GRIK1: variants seen among roughly 807,000 people sequenced by gnomAD.
The protein encoded by GRIK1 is glutamate receptor ionotropic, kainate 1.
GRIK1 carries 69 observed loss-of-function variants against 105.7 expected under a neutral mutation model. That is an observed-to-expected ratio of 0.65 (90% confidence interval 0.54 to 0.80). GRIK1 has a LOEUF of 0.80. Ranked by LOEUF, GRIK1 falls within the 30% of genes least tolerant of loss-of-function variation. GRIK1 has a pLI of 0.00. For missense variants in GRIK1, 1,109 were observed against 1,167.3 expected (o/e 0.95, Z 0.73); for synonymous variants, 438 against 431.3 (o/e 1.02, Z -0.19).
intron 15 of GRIK1, among the ~76,000 whole-genome samples, chr21:29,558,781 G>A (rs1285433802): frequency 6.6e-6 from 1 of 151,518 alleles, no homozygotes; most frequent in Non-Finnish European, 1.5e-5. Flanking sequence ...AGCTTCATTC[G>A]CAGGAAAGCA....
intron 1 of GRIK1, among the ~76,000 whole-genome samples, chr21:29,784,120 A>G (rs2066197508): frequency 6.6e-6 from 1 of 152,198 alleles, no homozygotes; most frequent in Admixed American, 6.5e-5. Context: ...ATTGTTACGT[A>G]TCTTACCTTT....
chr21:29,921,413 A>G (rs1376041540), intron 1 of GRIK1, among the ~76,000 whole-genome samples: 1 of 152,196 alleles, frequency 6.6e-6, no homozygotes, highest in Non-Finnish European at 1.5e-5. Context: ...AATTGTTGCC[A>G]TTCTTAATGG....
At chr21:29,797,659 A>G in intron 1 of GRIK1, among the ~76,000 whole-genome samples, 1 of 152,242 alleles carries the variant, frequency 6.6e-6, no homozygotes, top group East Asian at 1.9e-4. Context: ...TGAATTTGCA[A>G]GGATAGTAGG....
intron 1 of GRIK1, among the ~76,000 whole-genome samples, chr21:29,698,939 C>CT (rs1294441878): frequency 6.6e-6 from 1 of 152,104 alleles, no homozygotes; most frequent in Non-Finnish European, 1.5e-5. Flanking sequence ...AAAATTAATG[C>CT]TTTTTTTATT....
intron 1 of GRIK1, among the ~76,000 whole-genome samples, chr21:29,801,571 G>A (rs2066711978): frequency 6.6e-6 from 1 of 151,868 alleles, no homozygotes; most frequent in African/African-American, 2.4e-5. Flanking sequence ...ATTATTTTAC[G>A]GAAATTAGTA....
intron 1 of GRIK1, among the ~76,000 whole-genome samples, chr21:29,904,059 G>A (rs761573961): frequency 2.6e-5 from 4 of 152,130 alleles, no homozygotes; most frequent in Non-Finnish European, 5.9e-5. Flanking sequence ...TCACTCATAA[G>A]TGGGAGTTGA....
At chr21:29,684,677 T>A (rs1249535611) in intron 3 of GRIK1, among the ~76,000 whole-genome samples, 1 of 152,070 alleles carries the variant, frequency 6.6e-6, no homozygotes, top group African/African-American at 2.4e-5. Flanking sequence ...CAGGCTAATT[T>A]TTTTTTGTAT....
rs147883171 is a variant in GRIK1, at chr21:29,899,226, T to C, written c.118+40157A>G. Among the ~76,000 whole-genome samples the C allele has an allele frequency of 1.1e-3, 161 of 152,334 alleles. 1 individual carries two copies. Among genetic ancestry groups the C allele is most frequent in the African/African-American group, 3.7e-3 (152 of 41,580 alleles). The stretch of plus-strand genomic sequence containing the variant: ...CCTAAATTTGTGATTAGGTCTGAGG[T>C]CATTCAGGGCTTTTTGTTACTTTTG... On this transcript the variant is annotated intron_variant, in intron 1 of 17. Coordinates refer to ENST00000327783, the MANE Select transcript of GRIK1 (RefSeq NM_001330994.2).
chr21:29,690,759 T>A (rs945211970), intron 2 of GRIK1, among the ~76,000 whole-genome samples: 1 of 152,234 alleles, frequency 6.6e-6, no homozygotes, highest in South Asian at 2.1e-4. Flanking sequence ...TTTCTCATTA[T>A]AAGAATATAA....
chr21:29,561,872 C>T (rs1341220573), intron 14 of GRIK1, 23 bp from the exon 15 acceptor site: 4 of 1,423,432 alleles, frequency 2.8e-6, no homozygotes, highest in Admixed American at 1.7e-5. Context: ...AAAACACACT[C>T]ACCAGCAGAA....
chr21:29,747,616 G>A (rs566249468), intron 1 of GRIK1, among the ~76,000 whole-genome samples: 14 of 152,164 alleles, frequency 9.2e-5, no homozygotes, highest in Non-Finnish European at 1.5e-4. Flanking sequence ...GGATCACGAG[G>A]TCAGGAGATC....
intron 15 of GRIK1, among the ~76,000 whole-genome samples, chr21:29,559,489 T>G (rs363497): frequency 0.089 from 13,552 of 152,212 alleles, 1,310 homozygotes; most frequent in African/African-American, 0.24. Flanking sequence ...TTTTCATCAG[T>G]AGAAGTTATT....
intron 1 of GRIK1, among the ~76,000 whole-genome samples, chr21:29,816,097 A>G (rs1418183999): frequency 6.6e-6 from 1 of 152,092 alleles, no homozygotes; most frequent in African/African-American, 2.4e-5. Context: ...CTCAACACCA[A>G]AAAAGCCCAA....
chr21:29,868,219 T>A (rs1438463304), intron 1 of GRIK1, among the ~76,000 whole-genome samples: 1 of 152,216 alleles, frequency 6.6e-6, no homozygotes, highest in South Asian at 2.1e-4. Flanking sequence ...TGAACATCGA[T>A]GTTTTCCTTT....
At chr21:29,877,585 T>C (rs1569182847) in intron 1 of GRIK1, among the ~76,000 whole-genome samples, 1 of 152,164 alleles carries the variant, frequency 6.6e-6, no homozygotes, top group Non-Finnish European at 1.5e-5. Flanking sequence ...GTTAGATTCT[T>C]TTCACAACTT....
chr21:29,776,151 A>G (rs935721756), intron 1 of GRIK1, among the ~76,000 whole-genome samples: 1 of 152,200 alleles, frequency 6.6e-6, no homozygotes, highest in African/African-American at 2.4e-5. Context: ...TGCCTCAATG[A>G]TTCAATTACC....
At chr21:29,729,834 A>T (rs1258589806) in intron 1 of GRIK1, among the ~76,000 whole-genome samples, 1 of 152,194 alleles carries the variant, frequency 6.6e-6, no homozygotes, top group Non-Finnish European at 1.5e-5. Flanking sequence ...CCTAAACTTA[A>T]AAAGTGATTT....
intron 1 of GRIK1, among the ~76,000 whole-genome samples, chr21:29,872,768 T>C (rs906207131): frequency 1.3e-5 from 2 of 152,140 alleles, no homozygotes; most frequent in African/African-American, 4.8e-5. Flanking sequence ...TCAGATCTCA[T>C]GAGACTTACT....
chr21:29,758,248 G>T (rs550812405), intron 1 of GRIK1, among the ~76,000 whole-genome samples: 1 of 152,132 alleles, frequency 6.6e-6, no homozygotes, highest in African/African-American at 2.4e-5. Context: ...GTCTGTTCTC[G>T]CGCTGTTAAT....
Sources: gnomAD v4.1 joint callset for allele counts (sites outside exome capture counted in the v4.1 genomes callset) on GRCh38, gnomAD v4.1.1 for gene constraint, MANE v1.5 for transcripts, NCBI Gene and HGNC (gene_info 2026-07-23, HGNC 2026-07-21) for gene names.